The following MACROD2 variants were observed in gnomAD, a reference collection of about 807,000 sequenced individuals.
MACROD2 encodes the protein ADP-ribose glycohydrolase MACROD2.
In MACROD2, 36 loss-of-function variants were observed where a neutral mutation model predicts 70.4. That is an observed-to-expected ratio of 0.51 (90% confidence interval 0.39 to 0.68). MACROD2 has a LOEUF of 0.68. Among genes scored for constraint, MACROD2 ranks in the 30% least tolerant of loss-of-function variants. The pLI, the probability that MACROD2 is intolerant of heterozygous loss-of-function variation, is 0.00. For synonymous variants in MACROD2, 172 were observed against 178.8 expected, an observed-to-expected ratio of 0.96 and a Z score of 0.30; for missense variants, 496 against 538.4, an observed-to-expected ratio of 0.92 and a Z score of 0.78.
At chr20:15,503,338 T>C (rs1194439776) in intron 8 of MACROD2, among the ~76,000 whole-genome samples, 1 of 152,172 alleles carries the variant, frequency 6.6e-6, no homozygotes, top group Non-Finnish European at 1.5e-5. Context: ...AGATTTCAAA[T>C]AGACAATTGG....
At chr20:14,747,179 C>A (rs1015237645) in intron 5 of MACROD2, among the ~76,000 whole-genome samples, 1 of 152,100 alleles carries the variant, frequency 6.6e-6, no homozygotes, top group African/African-American at 2.4e-5. Context: ...TATAGCAGCC[C>A]TGTCAGTAGG....
At chr20:14,718,653 T>G (rs992459060) in intron 5 of MACROD2, among the ~76,000 whole-genome samples, 1 of 152,112 alleles carries the variant, frequency 6.6e-6, no homozygotes, top group Non-Finnish European at 1.5e-5. Flanking sequence ...TTTAAACATT[T>G]AAATGATCAG....
At chr20:14,607,255 T>C (rs1022614812) in intron 4 of MACROD2, among the ~76,000 whole-genome samples, 5 of 152,154 alleles carry the variant, frequency 3.3e-5, no homozygotes, top group African/African-American at 2.4e-5. Flanking sequence ...TGGCATCCAA[T>C]AGGACTGCTG....
intron 3 of MACROD2, among the ~76,000 whole-genome samples, chr20:14,342,770 C>T (rs899702073): frequency 1.3e-5 from 2 of 152,122 alleles, no homozygotes; most frequent in African/African-American, 4.8e-5. Context: ...AATCACATAA[C>T]CCTTTTAACT....
intron 6 of MACROD2, among the ~76,000 whole-genome samples, chr20:15,244,201 T>C (rs966378380): frequency 4.6e-5 from 7 of 152,174 alleles, no homozygotes; most frequent in African/African-American, 9.7e-5. Flanking sequence ...ATATAGATAG[T>C]ATAAAATTTT....
At chr20:14,107,249 C>A (rs376723748) in intron 3 of MACROD2, among the ~76,000 whole-genome samples, 6 of 152,170 alleles carry the variant, frequency 3.9e-5, no homozygotes, top group African/African-American at 1.4e-4. Context: ...ATGCAAGCAA[C>A]ATATTGAAGA....
intron 5 of MACROD2, among the ~76,000 whole-genome samples, chr20:15,039,340 A>C (rs560679032): frequency 6.6e-6 from 1 of 152,178 alleles, no homozygotes; most frequent in African/African-American, 2.4e-5. Flanking sequence ...CAAGAAGCTT[A>C]TGACCTGATC....
At chr20:14,279,088 T>A (rs2082283041) in intron 3 of MACROD2, among the ~76,000 whole-genome samples, 1 of 152,122 alleles carries the variant, frequency 6.6e-6, no homozygotes, top group South Asian at 2.1e-4. Flanking sequence ...GGGGAGAATA[T>A]CAAAATGATG....
In MACROD2 at chr20:15,021,860, A is replaced by G. The variant is rs140592785; in HGVS notation, c.419-208080A>G. On this transcript the variant is annotated intron_variant, in intron 5 of 17. Transcript: ENST00000684519. ...TATGGACTTTAGTTAATAATAATAT[A>G]TCAATACTGGTTCAGTAACAAATGT... Among the ~76,000 whole-genome samples the G allele has an allele frequency of 6.0e-3, 917 of 152,248 alleles. 15 individuals carry two copies. Among genetic ancestry groups the G allele is most frequent in the African/African-American group, 0.021 (874 of 41,540 alleles).
At chr20:14,680,418 C>G (rs141539217) in intron 4 of MACROD2, among the ~76,000 whole-genome samples, 1 of 152,060 alleles carries the variant, frequency 6.6e-6, no homozygotes, top group East Asian at 1.9e-4. Flanking sequence ...AAGGGCTATG[C>G]GGTAGGAGTA....
intron 3 of MACROD2, among the ~76,000 whole-genome samples, chr20:14,190,829 T>A (rs888840017): frequency 2.0e-5 from 3 of 147,146 alleles, no homozygotes; most frequent in Middle Eastern, 6.7e-3. Context: ...TGCCTCAGCC[T>A]CCTGAGTAGC....
At chr20:14,935,650 G>A (rs1470891600) in intron 5 of MACROD2, among the ~76,000 whole-genome samples, 1 of 152,036 alleles carries the variant, frequency 6.6e-6, no homozygotes, top group Non-Finnish European at 1.5e-5. Context: ...ATTGCCTAGG[G>A]AACTTTTCTG....
intron 3 of MACROD2, among the ~76,000 whole-genome samples, chr20:14,193,561 A>G (rs1440536344): frequency 6.6e-6 from 1 of 152,166 alleles, no homozygotes; most frequent in Non-Finnish European, 1.5e-5. Flanking sequence ...ATCAGTAGGA[A>G]GGTATTACCA....
At chr20:15,588,853 CA>C (rs2048639322) in intron 8 of MACROD2, among the ~76,000 whole-genome samples, 1 of 152,172 alleles carries the variant, frequency 6.6e-6, no homozygotes, top group African/African-American at 2.4e-5. Flanking sequence ...CAAACTTTCC[CA>C]CATTTTTGTG....
intron 3 of MACROD2, among the ~76,000 whole-genome samples, chr20:14,247,802 A>G (rs1050531109): frequency 1.5e-4 from 23 of 152,348 alleles, no homozygotes; most frequent in African/African-American, 5.3e-4. Flanking sequence ...AGACAAAAAA[A>G]TTCATGAGGC....
At chr20:15,171,278 C>A (rs1293188712) in intron 5 of MACROD2, among the ~76,000 whole-genome samples, 3 of 151,562 alleles carry the variant, frequency 2.0e-5, no homozygotes, top group African/African-American at 7.3e-5. Flanking sequence ...CTCTATCTCT[C>A]TCCCTTTGTC....
chr20:15,224,867 G>A (rs971036667), intron 5 of MACROD2, among the ~76,000 whole-genome samples: 2 of 151,666 alleles, frequency 1.3e-5, no homozygotes, highest in Non-Finnish European at 2.9e-5. Context: ...GGCTGAGGCA[G>A]GAGAATTGCT....
At chr20:15,223,440 T>G (rs758196106) in intron 5 of MACROD2, among the ~76,000 whole-genome samples, 1 of 152,174 alleles carries the variant, frequency 6.6e-6, no homozygotes, top group Admixed American at 6.5e-5. Context: ...TGTCCACAGG[T>G]TCCTGCCACA....
At chr20:14,511,272 A>G (rs2085026892) in intron 4 of MACROD2, among the ~76,000 whole-genome samples, 1 of 151,982 alleles carries the variant, frequency 6.6e-6, no homozygotes, top group Non-Finnish European at 1.5e-5. Flanking sequence ...GAAAGAGTGT[A>G]TTTGGATAGT....
Sources: gnomAD v4.1 joint callset for allele counts (sites outside exome capture counted in the v4.1 genomes callset) on GRCh38, gnomAD v4.1.1 for gene constraint, MANE v1.5 for transcripts, NCBI Gene and HGNC (gene_info 2026-07-23, HGNC 2026-07-21) for gene names.